Variants in DHX29 observed in about 807,000 individuals in gnomAD.
DHX29 encodes the protein DExH-box helicase 29.
DHX29 carries 79 observed loss-of-function variants against 167.9 expected under a neutral mutation model. That is an observed-to-expected ratio of 0.47 (90% confidence interval 0.39 to 0.57). DHX29 has a LOEUF of 0.57. DHX29 is among the 20% of genes least tolerant of loss of function. The pLI is 0.00. For missense variants in DHX29, 1,347 were observed against 1,593.4 expected (o/e 0.85, Z 2.63); for synonymous variants, 530 against 546.0 (o/e 0.97, Z 0.41).
Position 55,277,279 on chromosome 5 carries a change from G to T in DHX29, c.2113C>A (p.His705Asn), listed in dbSNP as rs751930471. The T allele has an allele frequency of 3.1e-6, 5 of 1,588,304 alleles. No individual in the cohort carries two copies. The highest frequency in any genetic ancestry group is 4.3e-6 in the Non-Finnish European group (5 of 1,166,208). The change falls in exon 13 of 27, where the codon CAT (histidine) becomes AAT (asparagine). Residue 705 changes from histidine (H) to asparagine (N), a missense_variant. Coordinates refer to ENST00000251636, the MANE Select transcript of DHX29 (RefSeq NM_019030.4). ...AAGTCTGACTGGACACTTCTTTCAT[G>T]AACCTAGTTTTAAAAAGGGAATAAA... ...NVSHVIVDEVHERSVQSDFLL... is the reference protein window; with the variant it reads ...NVSHVIVDEVNERSVQSDFLL...
intron 24 of DHX29, 83 bp downstream of exon 24, chr5:55,262,547 T>C (rs1259700600): frequency 4.0e-6 from 6 of 1,487,636 alleles, no homozygotes; most frequent in African/African-American, 2.8e-5. Context: ...CCAAATAAAA[T>C]ACCTGTTAGG....
intron 26 of DHX29, among the ~76,000 whole-genome samples, chr5:55,259,494 G>A (rs1206247003): frequency 2.0e-5 from 3 of 151,822 alleles, no homozygotes; most frequent in African/African-American, 4.8e-5. Context: ...CGCTCTTGTC[G>A]CCCAGGCTGG....
chr5:55,297,456 C>T, intron 2 of DHX29, 58 bp from the exon 3 acceptor site: 1 of 766,900 alleles, frequency 1.3e-6, no homozygotes, highest in Non-Finnish European at 2.2e-6. Context: ...AAATTAAAAG[C>T]CAATCATACA....
intron 4 of DHX29, 60 bp downstream of exon 4, chr5:55,296,158 TAC>T: frequency 6.5e-7 from 1 of 1,526,944 alleles, no homozygotes; most frequent in African/African-American, 1.4e-5. Flanking sequence ...AAAAGGTTGA[TAC>T]AAATACCAAA....
chr5:55,274,266 G>A (rs1440950104), intron 16 of DHX29, among the ~76,000 whole-genome samples: 2 of 151,930 alleles, frequency 1.3e-5, no homozygotes, highest in East Asian at 3.9e-4. Flanking sequence ...GCGTAGTGGT[G>A]CACAACTTGT....
At chr5:55,281,587 C>T in intron 11 of DHX29, 72 bp from the exon 12 acceptor site, 1 of 1,189,804 alleles carries the variant, frequency 8.4e-7, no homozygotes, top group South Asian at 2.1e-5. Flanking sequence ...AAAAGTGAAG[C>T]AGAGGTGCTG....
At position 55,256,315 on chromosome 5, in the gene DHX29, A is replaced by G. The variant is rs1406129154; in HGVS notation, c.*173T>C. On this transcript the variant is annotated 3_prime_UTR_variant, in exon 27 of 27. Transcript: ENST00000251636. ...TCAGAATAATCATCATTAAAAAGGA[A>G]CTAGAAAATTATACATGTTTAAAGT... The G allele has an allele frequency of 2.2e-6, 1 of 459,658 alleles. No individual in the cohort carries two copies. Among genetic ancestry groups the G allele is most frequent in the African/African-American group, 2.1e-5 (1 of 48,742 alleles). 28.5% of individuals were successfully genotyped at this position (459,658 alleles called of 1,614,324 possible).
chr5:55,260,367 G>A (rs1010687356), intron 25 of DHX29, among the ~76,000 whole-genome samples: 1 of 152,024 alleles, frequency 6.6e-6, no homozygotes, highest in Admixed American at 6.6e-5. Context: ...GAGTAGCTGG[G>A]ATTACAGGTG....
intron 11 of DHX29, among the ~76,000 whole-genome samples, chr5:55,282,458 T>G (rs746807725): frequency 2.0e-5 from 3 of 152,180 alleles, no homozygotes; most frequent in Non-Finnish European, 4.4e-5. Context: ...TTTTTCCTCC[T>G]CTATTCCATG....
chr5:55,291,783 T>C (rs1049226656), intron 6 of DHX29, among the ~76,000 whole-genome samples: 11 of 152,240 alleles, frequency 7.2e-5, no homozygotes, highest in African/African-American at 2.7e-4. Context: ...TCTGTCTTTT[T>C]GTGATTGGCA....
At chr5:55,282,905 A>G (rs1037932864) in intron 11 of DHX29, 4 of 201,344 alleles carry the variant, frequency 2.0e-5, no homozygotes, top group Admixed American at 5.7e-5. Flanking sequence ...GAGTTTGTCC[A>G]CATTCTTTGG....
At chr5:55,269,263 AAT>A in intron 21 of DHX29, 148 bp downstream of exon 21, 1 of 716,286 alleles carries the variant, frequency 1.4e-6, no homozygotes, top group African/African-American at 1.8e-5. Context: ...AAAAAAAAAA[AAT>A]TCAAGCATTC....
Position 55,267,808 on chromosome 5 carries a change from T to G in DHX29, c.3309A>C (p.Ala1103=), listed in dbSNP as rs749660459. Reference sequence around the variant, plus strand: ...TAAAAGGAGACTTCTCTGTCATAACTGCAGCTAGTGTTGCCTATCCATAAA... The same window carrying G: ...TAAAAGGAGACTTCTCTGTCATAACGGCAGCTAGTGTTGCCTATCCATAAA... ...GCLDPVATLA[A]VMTEKSPFTT... Residue 1103 remains alanine, a synonymous_variant, in exon 22 of 27, where the codon GCA becomes GCC. Coordinates refer to ENST00000251636, the MANE Select transcript of DHX29 (RefSeq NM_019030.4). 6.3e-7 allele frequency: 1 copy of G among 1,596,926 alleles called. No individual in the cohort carries two copies. The highest frequency in any genetic ancestry group is 1.1e-5 in the South Asian group (1 of 87,994).
At chr5:55,275,149 A>G in intron 14 of DHX29, 139 bp from the exon 15 acceptor site, 1 of 983,574 alleles carries the variant, frequency 1.0e-6, no homozygotes, top group Non-Finnish European at 1.5e-6. Context: ...GTTAAAATAC[A>G]GGAAGCGTAT....
At chr5:55,281,033 TACACAC>T (rs147048610) in intron 12 of DHX29, among the ~76,000 whole-genome samples, 14 of 149,418 alleles carry the variant, frequency 9.4e-5, no homozygotes, top group Non-Finnish European at 8.9e-5. Flanking sequence ...TATATATGTA[TACACAC>T]ACACACACAT....
chr5:55,304,350 C>CA, intron 1 of DHX29, among the ~76,000 whole-genome samples: 1 of 138,552 alleles, frequency 7.2e-6, no homozygotes, highest in East Asian at 2.2e-4. Flanking sequence ...GTCTTGCTGT[C>CA]ACCCAGGCTG....
chr5:55,259,766 GT>G, intron 26 of DHX29, 81 bp downstream of exon 26: 2 of 809,982 alleles, frequency 2.5e-6, no homozygotes, highest in South Asian at 4.1e-5. Context: ...CTCTTAGAAA[GT>G]TTTTCCACAC....
chr5:55,288,390 CTAT>C (rs1485429479), intron 8 of DHX29, among the ~76,000 whole-genome samples: 1 of 150,944 alleles, frequency 6.6e-6, no homozygotes. Flanking sequence ...ATACTATTTA[CTAT>C]TAGTAAATAG....
At chr5:55,269,238 T>TG (rs771393716) in intron 21 of DHX29, among the ~76,000 whole-genome samples, 175 bp downstream of exon 21, 1 of 137,968 alleles carries the variant, frequency 7.2e-6, no homozygotes, top group Admixed American at 7.3e-5. Flanking sequence ...TGCCAGACCC[T>TG]GTCTCAAAAA....
Sources: allele counts gnomAD v4.1 joint callset (sites outside exome capture counted in the v4.1 genomes callset), GRCh38; gene constraint gnomAD v4.1.1; transcripts MANE v1.5; gene names NCBI Gene and HGNC (gene_info 2026-07-23, HGNC 2026-07-21).